The following ACOXL variants were observed in gnomAD, a reference collection of about 807,000 sequenced individuals.
ACOXL encodes the protein acyl-CoA oxidase like.
Under a neutral mutation model 71.9 loss-of-function variants are expected in ACOXL, and 70 were observed. The ratio of observed to expected loss-of-function variants is 0.97; its 90% CI spans 0.80 to 1.19. The LOEUF is 1.19. Ranked by LOEUF, ACOXL falls within the 50% of genes most tolerant of loss-of-function variation. The pLI is 0.00. For synonymous variants in ACOXL, 253 were observed against 281.6 expected (o/e 0.90, Z 1.02); for missense variants, 703 against 736.3 (o/e 0.95, Z 0.52).
chr2:110,970,674 TA>T (rs1226186418), intron 12 of ACOXL, among the ~76,000 whole-genome samples: 3 of 152,064 alleles, frequency 2.0e-5, no homozygotes, highest in African/African-American at 7.2e-5. Flanking sequence ...AGGGAAGAAA[TA>T]AAAACTGTAG....
intron 2 of ACOXL, among the ~76,000 whole-genome samples, chr2:110,771,057 A>G (rs1468051106): frequency 6.6e-6 from 1 of 152,174 alleles, no homozygotes; most frequent in Non-Finnish European, 1.5e-5. Context: ...TTCCTCCAGG[A>G]GGCACAGGAT....
intron 14 of ACOXL, among the ~76,000 whole-genome samples, chr2:111,002,784 A>T (rs911501029): frequency 2.6e-5 from 4 of 152,094 alleles, no homozygotes; most frequent in African/African-American, 4.8e-5. Context: ...ATACAGGTTG[A>T]ATGCTTGGGA....
intron 10 of ACOXL, among the ~76,000 whole-genome samples, chr2:110,862,944 C>T (rs926893273): frequency 1.3e-5 from 2 of 152,244 alleles, no homozygotes; most frequent in African/African-American, 4.8e-5. Flanking sequence ...CTTCAATGCA[C>T]CCACATTCAC....
At chr2:110,826,179 C>T (rs760023760) in intron 9 of ACOXL, among the ~76,000 whole-genome samples, 159 of 152,326 alleles carry the variant, frequency 1.0e-3, no homozygotes, top group Non-Finnish European at 1.7e-3. Context: ...TTGCTGCCCT[C>T]TCCTATAATT....
chr2:110,980,687 T>G (rs2062669220), intron 12 of ACOXL, among the ~76,000 whole-genome samples: 1 of 152,128 alleles, frequency 6.6e-6, no homozygotes, highest in Non-Finnish European at 1.5e-5. Context: ...CCAAAGCGCC[T>G]GGATAAAGGC....
At chr2:111,046,587 A>T (rs1415198681) in intron 15 of ACOXL, among the ~76,000 whole-genome samples, 1 of 152,180 alleles carries the variant, frequency 6.6e-6, no homozygotes, top group Non-Finnish European at 1.5e-5. Flanking sequence ...AAAAGGGGGA[A>T]ATGCCCTGTA....
intron 16 of ACOXL, among the ~76,000 whole-genome samples, chr2:111,056,549 G>T (rs2066549138): frequency 6.6e-6 from 1 of 152,034 alleles, no homozygotes; most frequent in African/African-American, 2.4e-5. Context: ...AGCACTTTGG[G>T]AGGCTGAGGT....
At chr2:110,962,550 C>T (rs1162491051) in intron 12 of ACOXL, among the ~76,000 whole-genome samples, 1 of 152,196 alleles carries the variant, frequency 6.6e-6, no homozygotes, top group Non-Finnish European at 1.5e-5. Flanking sequence ...GGGTGGTTCT[C>T]CCCACAGGAG....
chr2:110,996,552 T>A (rs2063405945), intron 14 of ACOXL, among the ~76,000 whole-genome samples: 1 of 152,178 alleles, frequency 6.6e-6, no homozygotes, highest in African/African-American at 2.4e-5. Context: ...CTGTTTCATC[T>A]TCTGATCCGG....
intron 14 of ACOXL, among the ~76,000 whole-genome samples, chr2:111,022,680 G>A (rs2064823760): frequency 6.6e-6 from 1 of 152,046 alleles, no homozygotes; most frequent in South Asian, 2.1e-4. Context: ...GAGAGGTGTG[G>A]GCAGGACCCC....
chr2:111,058,699 A>G (rs1473915664), intron 16 of ACOXL, among the ~76,000 whole-genome samples: 2 of 152,198 alleles, frequency 1.3e-5, no homozygotes, highest in African/African-American at 4.8e-5. Context: ...TGAGATGGGG[A>G]AAAAGAAAAA....
intron 14 of ACOXL, among the ~76,000 whole-genome samples, chr2:111,012,780 T>G (rs1485550184): frequency 6.6e-6 from 1 of 152,158 alleles, no homozygotes; most frequent in Non-Finnish European, 1.5e-5. Context: ...ACATACTAAA[T>G]TTTGTGAGGT....
chr2:110,933,542 A>G lies in ACOXL; in HGVS notation c.959A>G (p.Asn320Ser), dbSNP rs947821625. Reference sequence around the variant, plus strand: ...GTCTTCCAGGGAAAGGAGCTGGTCAACAGTCGCTCGCTGCAGGCTCTGGTG... The same window carrying G: ...GTCTTCCAGGGAAAGGAGCTGGTCAGCAGTCGCTCGCTGCAGGCTCTGGTG... ...EDVFQGKELVNSRSLQALVAG... is the reference protein window; with the variant it reads ...EDVFQGKELVSSRSLQALVAG... The change falls in exon 12 of 18, where the codon AAC (asparagine) becomes AGC (serine). Residue 320 changes from asparagine to serine, a missense_variant. By Grantham distance (46) the Asn-to-Ser change is conservative. Coordinates refer to ENST00000439055, the MANE Select transcript of ACOXL (RefSeq NM_001142807.4). 21 of 1,614,202 alleles carry G rather than the reference A, an allele frequency of 1.3e-5. No individual in the cohort carries two copies. In the East Asian group the frequency reaches 4.7e-4, roughly 36 times the overall value.
chr2:110,915,350 A>ATGTGTGTG (rs3059185), intron 11 of ACOXL, among the ~76,000 whole-genome samples: 35 of 113,634 alleles, frequency 3.1e-4, no homozygotes, highest in African/African-American at 1.0e-3. Context: ...ATATATATAT[A>ATGTGTGTG]TGTGTGTGTG....
intron 12 of ACOXL, among the ~76,000 whole-genome samples, chr2:110,944,204 A>G (rs189893787): frequency 6.6e-6 from 1 of 152,004 alleles, no homozygotes; most frequent in Admixed American, 6.6e-5. Context: ...GCTGGCACGT[A>G]CCACCACACC....
At chr2:110,808,370 G>C (rs1299994556) in intron 9 of ACOXL, among the ~76,000 whole-genome samples, 1 of 152,176 alleles carries the variant, frequency 6.6e-6, no homozygotes, top group East Asian at 1.9e-4. Context: ...CTCTGGGGTG[G>C]GGTGGAGAGT....
At chr2:110,823,272 A>G (rs1307082757) in intron 9 of ACOXL, among the ~76,000 whole-genome samples, 1 of 151,510 alleles carries the variant, frequency 6.6e-6, no homozygotes, top group Non-Finnish European at 1.5e-5. Flanking sequence ...AAAAAGATTC[A>G]TCTATGTTTT....
chr2:111,086,856 T>A (rs2068236598), intron 16 of ACOXL, among the ~76,000 whole-genome samples: 1 of 152,126 alleles, frequency 6.6e-6, no homozygotes, highest in South Asian at 2.1e-4. Context: ...AGGGAGGAAG[T>A]CAAACTATTC....
At chr2:110,929,210 A>G (rs2060391119) in intron 11 of ACOXL, among the ~76,000 whole-genome samples, 1 of 152,234 alleles carries the variant, frequency 6.6e-6, no homozygotes, top group Non-Finnish European at 1.5e-5. Flanking sequence ...CAAAATGGTG[A>G]TAATGATATG....
Sources: gnomAD v4.1 joint callset for allele counts (sites outside exome capture counted in the v4.1 genomes callset) on GRCh38, gnomAD v4.1.1 for gene constraint, MANE v1.5 for transcripts, NCBI Gene and HGNC (gene_info 2026-07-23, HGNC 2026-07-21) for gene names.